Variants in DIPK2B observed in about 807,000 individuals in gnomAD.
DIPK2B encodes the protein UPF0672 protein CXorf36.
Under a neutral mutation model 22.2 loss-of-function variants are expected in DIPK2B, and 15 were observed. The observed-to-expected ratio is 0.68, with a 90% CI of 0.45 to 1.04. The LOEUF (loss-of-function observed/expected upper bound fraction) is 1.04, where lower values mean the gene tolerates loss of function less well. Among genes scored for constraint, DIPK2B ranks in the 50% least tolerant of loss-of-function variants. DIPK2B has a pLI of 0.00. For synonymous variants in DIPK2B, 163 were observed against 153.2 expected (o/e 1.06, Z -0.47); for missense variants, 345 against 348.3 (o/e 0.99, Z 0.08).
At chrX:45,167,835 C>T (rs1033446699) in intron 2 of DIPK2B, among the ~76,000 whole-genome samples, 1 of 111,932 alleles carries the variant, frequency 8.9e-6, no homozygotes, top group Non-Finnish European at 1.9e-5. Context: ...CAGGCGTGTG[C>T]CACCACGCCT....
intron 1 of DIPK2B, among the ~76,000 whole-genome samples, chrX:45,194,101 G>A (rs1483895071): frequency 8.9e-6 from 1 of 111,943 alleles, no homozygotes; most frequent in Admixed American, 9.4e-5. Flanking sequence ...TGATACTATT[G>A]TTAACATACA....
chrX:45,199,557 T>C (rs1425344935), intron 1 of DIPK2B, among the ~76,000 whole-genome samples: 1 of 111,265 alleles, frequency 9.0e-6, no homozygotes, highest in Admixed American at 9.5e-5. Flanking sequence ...ACACCTTTGC[T>C]TAAGATGTTA....
At chrX:45,178,190 C>T (rs759872482) in intron 2 of DIPK2B, among the ~76,000 whole-genome samples, 2 of 112,154 alleles carry the variant, frequency 1.8e-5, no homozygotes, top group African/African-American at 3.2e-5. Context: ...ATATGCTGGG[C>T]TGAAAAACCA....
intron 2 of DIPK2B, among the ~76,000 whole-genome samples, chrX:45,175,999 G>T (rs1194949989): frequency 9.2e-6 from 1 of 108,973 alleles, no homozygotes; most frequent in Admixed American, 9.9e-5. Flanking sequence ...TGTAGGGGAG[G>T]AGCACTTTGT....
chrX:45,165,904 G>A (rs2047046435), intron 2 of DIPK2B, among the ~76,000 whole-genome samples: 1 of 111,229 alleles, frequency 9.0e-6, no homozygotes, highest in Non-Finnish European at 1.9e-5. Context: ...CATTGTCACT[G>A]CCATGTGCTA....
intron 2 of DIPK2B, among the ~76,000 whole-genome samples, chrX:45,185,466 G>C (rs1390860393): frequency 9.1e-6 from 1 of 110,369 alleles, no homozygotes; most frequent in Admixed American, 9.6e-5. Flanking sequence ...GATTATTCAG[G>C]CTTCGGTTAC....
rs1239957358 is a variant in DIPK2B, at chrX:45,200,783, C to T, written c.44G>A (p.Gly15Asp). 1 of 1,204,687 alleles carries T rather than the reference C, an allele frequency of 8.3e-7. No individual in the cohort carries two copies. Among genetic ancestry groups the T allele is most frequent in the East Asian group, 3.0e-5 (1 of 33,554 alleles). ...LGPEAAALRPGWLALLLWVSA... is the reference protein window; with the variant it reads ...LGPEAAALRPDWLALLLWVSA... Reference sequence around the variant, plus strand: ...GACCCACAGCAGCAGGGCCAGCCAGCCAGGGCGGAGGGCGGCAGCCTCAGG... The same window carrying T: ...GACCCACAGCAGCAGGGCCAGCCAGTCAGGGCGGAGGGCGGCAGCCTCAGG... Residue 15 changes from glycine (G) to aspartate (D), a missense_variant, in exon 1 of 5, where the codon GGC becomes GAC. Coordinates refer to ENST00000398000, the MANE Select transcript of DIPK2B (RefSeq NM_176819.4).
At chrX:45,190,958 C>T (rs1487630046) in intron 2 of DIPK2B, among the ~76,000 whole-genome samples, 1 of 112,644 alleles carries the variant, frequency 8.9e-6, no homozygotes, top group Non-Finnish European at 1.9e-5. Context: ...TAGGTAGAAT[C>T]TCAAGTGTAT....
At chrX:45,186,310 C>T (rs1416158469) in intron 2 of DIPK2B, among the ~76,000 whole-genome samples, 1 of 111,278 alleles carries the variant, frequency 9.0e-6, no homozygotes, top group Admixed American at 9.6e-5. Context: ...ACACAGCACT[C>T]TGAATACCTC....
intron 2 of DIPK2B, among the ~76,000 whole-genome samples, chrX:45,165,832 G>A (rs1345270245): frequency 1.8e-5 from 2 of 111,914 alleles, no homozygotes; most frequent in Non-Finnish European, 3.8e-5. Flanking sequence ...CACAGAACAC[G>A]CATGCAAAAG....
intron 2 of DIPK2B, among the ~76,000 whole-genome samples, chrX:45,171,500 C>G (rs755599831): frequency 2.2e-4 from 25 of 111,378 alleles, no homozygotes; most frequent in African/African-American, 7.2e-4. Context: ...AACCACTGTC[C>G]TACAGAATGA....
At chrX:45,186,608 A>G (rs2047184379) in intron 2 of DIPK2B, among the ~76,000 whole-genome samples, 1 of 112,795 alleles carries the variant, frequency 8.9e-6, no homozygotes. Context: ...AAACAAACAA[A>G]CAAACAAGCA....
At position 45,154,323 on chromosome X, in the gene DIPK2B, CT is replaced by C. The variant is rs1331445465; in HGVS notation, c.673-126del. ...TCTATCTATCTATCTATCTATCTGTCTATCTATATCAATCATCTATATCTAT... is the reference window on the plus strand; with the variant it reads ...TCTATCTATCTATCTATCTATCTGTCATCTATATCAATCATCTATATCTAT... On this transcript the variant is annotated intron_variant, in intron 3 of 4. Coordinates refer to ENST00000398000, the MANE Select transcript of DIPK2B (RefSeq NM_176819.4). 5.1e-6 allele frequency: 3 copies of C among 591,324 alleles called. No individual in the cohort carries two copies. In the African/African-American group the frequency reaches 7.7e-5, roughly 15 times the overall value. 48.7% of individuals were successfully genotyped at this position (591,324 alleles called of 1,213,427 possible).
At chrX:45,182,569 T>C (rs1182954880) in intron 2 of DIPK2B, among the ~76,000 whole-genome samples, 1 of 112,878 alleles carries the variant, frequency 8.9e-6, no homozygotes, top group Non-Finnish European at 1.9e-5. Flanking sequence ...CCAATAGATA[T>C]GTACAATAAT....
rs139515266 is a variant in DIPK2B at position 45,191,764 on chromosome X, G to A, written c.485C>T (p.Pro162Leu). The change falls in exon 2 of 5, where the codon CCG becomes CTG. Residue 162 changes from proline (P) to leucine (L), a missense_variant. Coordinates refer to ENST00000398000, the MANE Select transcript of DIPK2B (RefSeq NM_176819.4). The part of the protein sequence containing the change: ...QKWLQAKRLT[P>L]DLVQGLASPL... ...CTTCACACTCACCTGCACCAGGTCCGGCGTGAGGCGCTTGGCCTGCAGCCA... is the reference window on the plus strand; with the variant it reads ...CTTCACACTCACCTGCACCAGGTCCAGCGTGAGGCGCTTGGCCTGCAGCCA... 53 of 1,209,346 alleles carry A rather than the reference G, an allele frequency of 4.4e-5. No individual in the cohort carries two copies. The highest frequency in any genetic ancestry group is 5.0e-5 in the Non-Finnish European group (45 of 895,118).
chrX:45,183,921 A>G (rs2047167934), intron 2 of DIPK2B, among the ~76,000 whole-genome samples: 1 of 112,096 alleles, frequency 8.9e-6, no homozygotes, highest in Non-Finnish European at 1.9e-5. Context: ...TGTGTTCATC[A>G]AAACTGAGAA....
At chrX:45,171,037 G>C (rs1399308779) in intron 2 of DIPK2B, among the ~76,000 whole-genome samples, 2 of 111,493 alleles carry the variant, frequency 1.8e-5, no homozygotes, top group Non-Finnish European at 3.8e-5. Context: ...CCCAGCCCAG[G>C]CCATACTGTC....
intron 2 of DIPK2B, among the ~76,000 whole-genome samples, chrX:45,189,510 G>A (rs1218369229): frequency 3.6e-5 from 4 of 111,683 alleles, no homozygotes; most frequent in African/African-American, 1.3e-4. Context: ...CTACTCAGGA[G>A]GCTGAGACAG....
At chrX:45,162,374 G>A in intron 2 of DIPK2B, 1 of 753,570 alleles carries the variant, frequency 1.3e-6, no homozygotes, top group African/African-American at 2.3e-5. Flanking sequence ...TATTTGCTGA[G>A]AAGGTTCTGA....
Sources: allele counts gnomAD v4.1 joint callset (sites outside exome capture counted in the v4.1 genomes callset), GRCh38; gene constraint gnomAD v4.1.1; transcripts MANE v1.5; gene names NCBI Gene and HGNC (gene_info 2026-07-23, HGNC 2026-07-21).